RPTOR: variants seen among roughly 807,000 people sequenced by gnomAD.
RPTOR encodes regulatory-associated protein of mTOR.
In RPTOR, 21 loss-of-function variants were observed where a neutral mutation model predicts 169.9. That is an observed-to-expected ratio of 0.12 (90% confidence interval 0.09 to 0.18). The LOEUF (loss-of-function observed/expected upper bound fraction) is 0.18, where lower values mean the gene tolerates loss of function less well. RPTOR is among the 10% of genes least tolerant of loss of function. RPTOR has a pLI of 1.00. For missense variants in RPTOR, 1,133 were observed against 1,855.9 expected (o/e 0.61, Z 7.16); for synonymous variants, 732 against 753.2 (o/e 0.97, Z 0.46).
intron 11 of RPTOR, among the ~76,000 whole-genome samples, chr17:80,853,787 C>G (rs552457508): frequency 1.8e-4 from 28 of 152,224 alleles, no homozygotes; most frequent in Non-Finnish European, 3.4e-4. Context: ...GACCATCCTG[C>G]CTAATGCAGT....
intron 3 of RPTOR, among the ~76,000 whole-genome samples, chr17:80,699,243 A>G (rs2066062666): frequency 6.6e-6 from 1 of 152,262 alleles, no homozygotes; most frequent in Non-Finnish European, 1.5e-5. Flanking sequence ...GTGCACAAAT[A>G]TTTATTTAAT....
intron 2 of RPTOR, among the ~76,000 whole-genome samples, chr17:80,634,630 ACT>A (rs1432470379): frequency 2.6e-5 from 1 of 38,112 alleles, no homozygotes; most frequent in East Asian, 8.2e-4. Flanking sequence ...GCGTGTGCGT[ACT>A]GTGTGTGTGC....
In RPTOR at chr17:80,897,980, G is replaced by A. The variant is rs117373802; in HGVS notation, c.2401+4115G>A. Among the ~76,000 whole-genome samples, 835 of 152,280 alleles carry A rather than the reference G, an allele frequency of 5.5e-3. 4 individuals carry two copies. The highest frequency in any genetic ancestry group is 0.02 in the Middle Eastern group (6 of 294). On this transcript the variant is annotated intron_variant, in intron 20 of 33. Coordinates refer to ENST00000306801, the MANE Select transcript of RPTOR (RefSeq NM_020761.3). ...AAAAAAACTGGCTCAGGAGTGCGCC[G>A]TCATTCCCTGTCCTCGGGGGCAATT...
chr17:80,754,299 A>T lies in RPTOR; in HGVS notation c.830+114A>T. The stretch of plus-strand genomic sequence containing the variant: ...GGTCCCAGGAGCCCACGTGACAGAC[A>T]TGAGTGTCCCCGCCTTCTTTTTGTG... On this transcript the variant is annotated intron_variant, in intron 6 of 33. Coordinates refer to ENST00000306801, the MANE Select transcript of RPTOR (RefSeq NM_020761.3). The surrounding 1 kb of genome is among the most constrained non-coding windows in gnomAD (Gnocchi z 4.2). 9.6e-7 allele frequency: 1 copy of T among 1,038,106 alleles called. No individual in the cohort carries two copies. The highest frequency in any genetic ancestry group is 1.4e-6 in the Non-Finnish European group (1 of 717,294). The allele number at this position is 1,038,106 out of a possible 1,614,324, so 64.3% of individuals were successfully genotyped here.
At chr17:80,667,230 G>A (rs1000758567) in intron 3 of RPTOR, among the ~76,000 whole-genome samples, 2 of 152,172 alleles carry the variant, frequency 1.3e-5, no homozygotes, top group Non-Finnish European at 2.9e-5. Context: ...AGAGTTAGAC[G>A]GGTCTTGGAG....
intron 6 of RPTOR, among the ~76,000 whole-genome samples, chr17:80,783,390 A>G (rs929438177): frequency 6.6e-6 from 1 of 152,218 alleles, no homozygotes; most frequent in Non-Finnish European, 1.5e-5. Context: ...ACATTTTACA[A>G]TTATTTGCTC....
chr17:80,854,388 C>T (rs1365404251), intron 11 of RPTOR, among the ~76,000 whole-genome samples: 17 of 152,200 alleles, frequency 1.1e-4, no homozygotes, highest in Admixed American at 1.0e-3. Flanking sequence ...CCGCAGTGAG[C>T]GCTGCTGGGT....
intron 5 of RPTOR, among the ~76,000 whole-genome samples, chr17:80,744,319 GCA>G (rs1387461402): frequency 2.4e-5 from 3 of 124,530 alleles, no homozygotes; most frequent in Non-Finnish European, 5.2e-5. Flanking sequence ...CTGGTTACTA[GCA>G]CAGCCCTGGC....
intron 20 of RPTOR, among the ~76,000 whole-genome samples, chr17:80,895,069 A>G (rs1213653770): frequency 6.6e-6 from 1 of 152,218 alleles, no homozygotes; most frequent in Non-Finnish European, 1.5e-5. Context: ...GTCTGGGGAC[A>G]GTGAGGCCGG....
chr17:80,872,793 C>A (rs1346969693), intron 13 of RPTOR, among the ~76,000 whole-genome samples: 1 of 152,168 alleles, frequency 6.6e-6, no homozygotes, highest in Non-Finnish European at 1.5e-5. Flanking sequence ...CACAACGGGG[C>A]CCTGGCAGGT....
At chr17:80,761,382 G>A (rs1161944879) in intron 6 of RPTOR, among the ~76,000 whole-genome samples, 1 of 152,150 alleles carries the variant, frequency 6.6e-6, no homozygotes, top group Non-Finnish European at 1.5e-5. Flanking sequence ...TTTCAATTAA[G>A]TTGAAGGATT....
At chr17:80,710,496 A>C (rs1048641702) in intron 4 of RPTOR, among the ~76,000 whole-genome samples, 2 of 152,112 alleles carry the variant, frequency 1.3e-5, no homozygotes, top group Non-Finnish European at 2.9e-5. Context: ...TATCGAATTA[A>C]GAAAGTACAA....
At chr17:80,655,128 C>G (rs1156620951) in intron 3 of RPTOR, among the ~76,000 whole-genome samples, 1 of 152,218 alleles carries the variant, frequency 6.6e-6, no homozygotes, top group Non-Finnish European at 1.5e-5. Flanking sequence ...CTCTGCCATC[C>G]AGGCTGGAGT....
chr17:80,638,645 T>C (rs1157654991), intron 2 of RPTOR, among the ~76,000 whole-genome samples: 1 of 152,124 alleles, frequency 6.6e-6, no homozygotes, highest in Non-Finnish European at 1.5e-5. Context: ...GCCAGTTCCA[T>C]TGGTGTCTCA....
At chr17:80,585,166 T>TTTATTATTA (rs150653828) in intron 1 of RPTOR, among the ~76,000 whole-genome samples, 36 of 141,618 alleles carry the variant, frequency 2.5e-4, no homozygotes, top group African/African-American at 9.4e-4. Context: ...AGTGCTTTGG[T>TTTATTATTA]TTATTATTAT....
intron 17 of RPTOR, among the ~76,000 whole-genome samples, chr17:80,887,081 A>G (rs549035573): frequency 1.3e-5 from 2 of 151,972 alleles, no homozygotes; most frequent in Admixed American, 6.5e-5. Context: ...AACAGAGCTG[A>G]TAACGCCAGC....
chr17:80,705,743 C>T (rs572522191), intron 3 of RPTOR, among the ~76,000 whole-genome samples: 2 of 152,086 alleles, frequency 1.3e-5, no homozygotes, highest in South Asian at 4.2e-4. Flanking sequence ...ACTATGTTGC[C>T]CAGGCTGGTC....
intron 30 of RPTOR, among the ~76,000 whole-genome samples, chr17:80,961,163 AG>A (rs1014119276): frequency 3.3e-5 from 5 of 152,218 alleles, no homozygotes; most frequent in Admixed American, 2.6e-4. Flanking sequence ...ACGGTGACCT[AG>A]GGCCCAGCCC....
At chr17:80,822,366 C>T (rs1330283780) in intron 8 of RPTOR, 65 bp downstream of exon 8, 8 of 1,484,378 alleles carry the variant, frequency 5.4e-6, no homozygotes, top group Non-Finnish European at 6.6e-6. Flanking sequence ...AGCCGACTCT[C>T]GGACATGAGA....
Sources: allele counts gnomAD v4.1 joint callset (sites outside exome capture counted in the v4.1 genomes callset), GRCh38; gene constraint gnomAD v4.1.1; non-coding constraint Gnocchi (gnomAD v3.1); transcripts MANE v1.5; gene names NCBI Gene and HGNC (gene_info 2026-07-23, HGNC 2026-07-21).